Variants in ZSWIM6 observed in about 807,000 individuals in gnomAD.
The protein encoded by ZSWIM6 is zinc finger SWIM-type containing 6.
A neutral mutation model predicts 113.2 loss-of-function variants in ZSWIM6; 9 were observed. That is an observed-to-expected ratio of 0.08 (90% CI 0.05 to 0.14). The LOEUF (loss-of-function observed/expected upper bound fraction) is 0.14, where lower values mean the gene tolerates loss of function less well. ZSWIM6 is among the 10% of genes least tolerant of loss of function. ZSWIM6 has a pLI of 1.00. For missense variants in ZSWIM6, 1,162 were observed against 1,552.2 expected (o/e 0.75, Z 4.22); for synonymous variants, 611 against 606.5 (o/e 1.01, Z -0.11).
intron 4 of ZSWIM6, among the ~76,000 whole-genome samples, chr5:61,507,887 A>T (rs1748666057): frequency 6.6e-6 from 1 of 152,164 alleles, no homozygotes; most frequent in Non-Finnish European, 1.5e-5. Context: ...TTTATTTTGG[A>T]ATTCATATAT....
intron 2 of ZSWIM6, among the ~76,000 whole-genome samples, chr5:61,473,835 A>AT (rs1380956142): frequency 6.6e-6 from 1 of 152,176 alleles, no homozygotes; most frequent in Non-Finnish European, 1.5e-5. Flanking sequence ...ACATTTCTTT[A>AT]TTTATATTGA....
intron 6 of ZSWIM6, 80 bp downstream of exon 6, chr5:61,526,056 G>A: frequency 6.7e-7 from 1 of 1,490,106 alleles, no homozygotes; most frequent in Non-Finnish European, 9.1e-7. Context: ...ATGGGAGGTG[G>A]AGAACTGAAG....
At chr5:61,427,817 A>C (rs370985231) in intron 1 of ZSWIM6, among the ~76,000 whole-genome samples, 1 of 152,164 alleles carries the variant, frequency 6.6e-6, no homozygotes, top group East Asian at 1.9e-4. Flanking sequence ...GGTTGAATCT[A>C]TGGATGTCAA....
At chr5:61,519,286 A>G (rs79683912) in intron 4 of ZSWIM6, among the ~76,000 whole-genome samples, 3,939 of 152,272 alleles carry the variant, frequency 0.026, 172 homozygotes, top group South Asian at 0.19. Flanking sequence ...CACAGAATTC[A>G]GAGATCCCCG....
chr5:61,346,493 A>G (rs1203378603), intron 1 of ZSWIM6, among the ~76,000 whole-genome samples: 1 of 152,224 alleles, frequency 6.6e-6, no homozygotes, highest in East Asian at 1.9e-4. Flanking sequence ...TATATGTATA[A>G]TTTAATATGA....
At position 61,521,265 on chromosome 5, in the gene ZSWIM6, G is replaced by T. The variant is rs1749113903; in HGVS notation, c.1336G>T (p.Ala446Ser). The change falls in exon 5 of 14, where the codon GCT becomes TCT. Residue 446 changes from alanine to serine, a missense_variant and splice_region_variant. Around this residue, in one of 4 missense-constraint regions of ZSWIM6, gnomAD observed 620 missense variants for 804.6 expected, o/e 0.77. Transcript: ENST00000252744. ...KYRQLWDELG[A>S]LWMCIVLNPH... ...TTTCCTTTCCTCCTTTAAATTAGGT[G>T]CTCTGTGGATGTGTATAGTTTTAAA... The T allele has an allele frequency of 2.2e-6, 3 of 1,340,208 alleles. No homozygotes were observed. The Admixed American group carries it at 9.0e-5, about 40-fold the overall frequency. The allele number at this position is 1,340,208 out of a possible 1,614,324, so 83.0% of individuals were successfully genotyped here.
chr5:61,474,861 C>T (rs1175657085), intron 2 of ZSWIM6, among the ~76,000 whole-genome samples: 1 of 152,128 alleles, frequency 6.6e-6, no homozygotes, highest in Non-Finnish European at 1.5e-5. Flanking sequence ...AGTTGTATTT[C>T]TTCTAGTACT....
At chr5:61,462,013 T>TTTTCTTCCCAGCTGGCTCTCTACAG (rs1561247143) in intron 1 of ZSWIM6, among the ~76,000 whole-genome samples, 9 of 152,252 alleles carry the variant, frequency 5.9e-5, no homozygotes, top group Non-Finnish European at 8.8e-5. Context: ...GCAGAGAGGA[T>TTTTCTTCCCAGCTGGCTCTCTACAG]TTTCTTCCCA....
chr5:61,426,949 G>T (rs1236165828), intron 1 of ZSWIM6, among the ~76,000 whole-genome samples: 1 of 151,638 alleles, frequency 6.6e-6, no homozygotes, highest in African/African-American at 2.4e-5. Flanking sequence ...AGTGTTAATT[G>T]TGATCATCAC....
intron 1 of ZSWIM6, among the ~76,000 whole-genome samples, chr5:61,450,757 A>C (rs1469846783): frequency 6.6e-6 from 1 of 152,210 alleles, no homozygotes; most frequent in Non-Finnish European, 1.5e-5. Context: ...GAAATAATAA[A>C]CAATGATTTA....
chr5:61,407,167 GC>G (rs1746061023), intron 1 of ZSWIM6, among the ~76,000 whole-genome samples: 1 of 152,176 alleles, frequency 6.6e-6, no homozygotes, highest in African/African-American at 2.4e-5. Context: ...TGTAAGTGCA[GC>G]CTAAAATTCC....
chr5:61,464,158 A>ATTTTTT lies in ZSWIM6; in HGVS notation c.677-8495_677-8490dup, dbSNP rs869288331. Among the ~76,000 whole-genome samples the ATTTTTT allele has an allele frequency of 4.3e-3, 189 of 43,486 alleles. 10 individuals carry two copies. Among genetic ancestry groups the ATTTTTT allele is most frequent in the African/African-American group, 7.2e-3 (78 of 10,868 alleles). 28.5% of individuals were successfully genotyped at this position (43,486 alleles called of 152,430 possible). On this transcript the variant is annotated intron_variant, in intron 1 of 13. Transcript: ENST00000252744. ...AGGTGCATGCCAACACACCCGGCTA[A>ATTTTTT]TTTTTTTTTTTTTTTTTTTTTTTTT...
At chr5:61,512,060 A>G (rs774377314) in intron 4 of ZSWIM6, among the ~76,000 whole-genome samples, 2 of 152,100 alleles carry the variant, frequency 1.3e-5, no homozygotes, top group Non-Finnish European at 2.9e-5. Context: ...GGACAAATGT[A>G]TATCGTCATG....
chr5:61,498,109 T>TTG (rs1311548870), intron 4 of ZSWIM6, among the ~76,000 whole-genome samples: 3 of 152,170 alleles, frequency 2.0e-5, no homozygotes, highest in Non-Finnish European at 2.9e-5. Context: ...AAACTATAGG[T>TTG]TGTGGCTGCC....
At chr5:61,414,561 T>C (rs528971978) in intron 1 of ZSWIM6, among the ~76,000 whole-genome samples, 2 of 152,320 alleles carry the variant, frequency 1.3e-5, no homozygotes, top group East Asian at 1.9e-4. Flanking sequence ...AAATTAGTTA[T>C]GGTTTTTAAA....
At chr5:61,408,315 T>A (rs1173257762) in intron 1 of ZSWIM6, among the ~76,000 whole-genome samples, 1 of 152,204 alleles carries the variant, frequency 6.6e-6, no homozygotes, top group Non-Finnish European at 1.5e-5. Context: ...GGAGGGAGAT[T>A]TTGTCACTGT....
chr5:61,481,650 C>G (rs1747869383), intron 2 of ZSWIM6, among the ~76,000 whole-genome samples: 1 of 151,842 alleles, frequency 6.6e-6, no homozygotes, highest in Non-Finnish European at 1.5e-5. Context: ...GGATAAATCA[C>G]AACTAAATCA....
At chr5:61,422,284 T>C (rs747179716) in intron 1 of ZSWIM6, among the ~76,000 whole-genome samples, 41 of 152,216 alleles carry the variant, frequency 2.7e-4, no homozygotes, top group Non-Finnish European at 5.6e-4. Flanking sequence ...CTTTTGCATA[T>C]GGATATCTAA....
chr5:61,460,203 G>GA (rs1176608306), intron 1 of ZSWIM6, among the ~76,000 whole-genome samples: 5 of 152,156 alleles, frequency 3.3e-5, no homozygotes, highest in African/African-American at 9.7e-5. Context: ...AACTCCTGGA[G>GA]AAAAATCACA....
Sources: gnomAD v4.1 joint callset for allele counts (sites outside exome capture counted in the v4.1 genomes callset) on GRCh38, gnomAD v4.1.1 for gene constraint, gnomAD v4.1.1 regional missense constraint, MANE v1.5 for transcripts, NCBI Gene and HGNC (gene_info 2026-07-23, HGNC 2026-07-21) for gene names.